The following SORD variants were observed in gnomAD, a reference collection of about 807,000 sequenced individuals.
SORD encodes (R,R)-butanediol dehydrogenase.
A neutral mutation model predicts 35.6 loss-of-function variants in SORD; 18 were observed. The observed-to-expected ratio is 0.51, with a 90% CI of 0.35 to 0.75. The LOEUF (loss-of-function observed/expected upper bound fraction) is 0.75. SORD is among the 30% of genes least tolerant of loss of function. The pLI is 0.01. For synonymous variants in SORD, 106 were observed against 152.9 expected (o/e 0.69, Z 2.26); for missense variants, 250 against 390.2 (o/e 0.64, Z 3.03).
intron 3 of SORD, among the ~76,000 whole-genome samples, chr15:45,059,725 T>C (rs57433302): frequency 0.013 from 1,962 of 152,292 alleles, 53 homozygotes; most frequent in African/African-American, 0.045. Flanking sequence ...TGGGTTCAAG[T>C]GATCCTCCTG....
rs190903312 is a variant in SORD at position 45,072,620 on chromosome 15, T to C, written c.908+182T>C. 9.1e-4 allele frequency among the ~76,000 whole-genome samples: 134 copies of C among 147,522 alleles called. 14 individuals are homozygous for C. The highest frequency in any genetic ancestry group is 3.4e-3 in the African/African-American group (127 of 37,750). Reference sequence around the variant, plus strand: ...AGAACACTCACTGCCAGTTAAAGAATGGGAGGAACAGAAGGATGGATGGAG... The same window carrying C: ...AGAACACTCACTGCCAGTTAAAGAACGGGAGGAACAGAAGGATGGATGGAG... On this transcript the variant is annotated intron_variant, in intron 8 of 8. Transcript: ENST00000267814.
chr15:45,056,900 A>G (rs934221562), intron 3 of SORD, among the ~76,000 whole-genome samples: 1 of 152,178 alleles, frequency 6.6e-6, no homozygotes, highest in African/African-American at 2.4e-5. Flanking sequence ...TAAGGTTTGG[A>G]GCACTTACAA....
Position 45,048,498 on chromosome 15 carries a change from TG to T in SORD, c.265+5082del, listed in dbSNP as rs1299172102. On this transcript the variant is annotated intron_variant, in intron 3 of 8. Coordinates refer to ENST00000267814, the MANE Select transcript of SORD (RefSeq NM_003104.6). ...CCAAGGCAGGAGGATTGCTTGAGCC[TG>T]GGGGTTTGAGACTAGCCTGGGGATT... 2.6e-5 allele frequency among the ~76,000 whole-genome samples: 4 copies of T among 152,226 alleles called. No individual in the cohort carries two copies. In the East Asian group the frequency reaches 5.8e-4, roughly 22 times the overall value.
chr15:45,049,392 G>C (rs1034046569), intron 3 of SORD, among the ~76,000 whole-genome samples: 3 of 152,094 alleles, frequency 2.0e-5, no homozygotes, highest in Non-Finnish European at 4.4e-5. Context: ...TCAGAAGAAA[G>C]GTGTGTCTAT....
chr15:45,058,345 C>T (rs1468895882), intron 3 of SORD, among the ~76,000 whole-genome samples: 1 of 152,116 alleles, frequency 6.6e-6, no homozygotes. Flanking sequence ...GCTGACATTC[C>T]CAGCACCCAA....
chr15:45,070,184 G>C (rs1893487729), intron 7 of SORD: 1 of 152,166 alleles, frequency 6.6e-6, no homozygotes, highest in South Asian at 2.1e-4. Context: ...TGCCTGAGTT[G>C]CCCCGCTGCT....
chr15:45,040,898 C>T (rs1447990072), intron 2 of SORD, among the ~76,000 whole-genome samples: 1 of 152,194 alleles, frequency 6.6e-6, no homozygotes, highest in Non-Finnish European at 1.5e-5. Context: ...TTTCCCCACT[C>T]CCCAGGAAGG....
At chr15:45,069,504 C>T (rs1229131067) in intron 7 of SORD, among the ~76,000 whole-genome samples, 2 of 152,136 alleles carry the variant, frequency 1.3e-5, no homozygotes, top group Non-Finnish European at 2.9e-5. Flanking sequence ...TCTCTGTTTT[C>T]TTATCTCTAG....
At chr15:45,054,863 T>C (rs980584361) in intron 3 of SORD, among the ~76,000 whole-genome samples, 14 of 150,574 alleles carry the variant, frequency 9.3e-5, no homozygotes, top group African/African-American at 2.7e-4. Flanking sequence ...TTTCTACATA[T>C]GGCTAGCCAG....
At chr15:45,031,168 A>G (rs1391691750) in intron 1 of SORD, among the ~76,000 whole-genome samples, 1 of 152,210 alleles carries the variant, frequency 6.6e-6, no homozygotes, top group Non-Finnish European at 1.5e-5. Flanking sequence ...AAATGTAAAA[A>G]GTAGCCGGGT....
rs1195193191 is a variant in SORD at position 45,075,287 on chromosome 15, TGAG to T, written c.*1758_*1760del. 1.5e-5 allele frequency: 2 copies of T among 131,008 alleles called. 1 individual carries two copies. Among genetic ancestry groups the T allele is most frequent in the African/African-American group, 8.6e-5 (2 of 23,378 alleles). The allele number at this position is 131,008 out of a possible 1,614,324, so 8.1% of individuals were successfully genotyped here. ...ACCCCCACCAAGCAGCTCCTACTGA[TGAG>T]AAGATGCACTAAGCAGTCTTGGTGG... is the stretch of plus-strand genomic sequence containing the variant. On this transcript the variant is annotated 3_prime_UTR_variant, in exon 9 of 9. Coordinates refer to ENST00000267814, the MANE Select transcript of SORD (RefSeq NM_003104.6).
At chr15:45,065,834 C>T (rs1334581198) in intron 5 of SORD, among the ~76,000 whole-genome samples, 3 of 152,016 alleles carry the variant, frequency 2.0e-5, no homozygotes, top group Non-Finnish European at 2.9e-5. Flanking sequence ...GTGGGAGGAT[C>T]ACTTGAGCCT....
intron 3 of SORD, among the ~76,000 whole-genome samples, chr15:45,048,645 A>C (rs1439794131): frequency 6.6e-6 from 1 of 152,206 alleles, no homozygotes; most frequent in Admixed American, 6.5e-5. Context: ...TAGGGTCAAC[A>C]TAGCAATCTC....
chr15:45,059,903 G>A (rs1302011956), intron 3 of SORD, among the ~76,000 whole-genome samples: 1 of 152,170 alleles, frequency 6.6e-6, no homozygotes, highest in East Asian at 1.9e-4. Context: ...TTTGTGATGT[G>A]CTAGAACAGG....
At position 45,074,625 on chromosome 15, in the gene SORD, G is replaced by T. The variant is rs959323201; in HGVS notation, c.*1095G>T. On this transcript the variant is annotated 3_prime_UTR_variant, in exon 9 of 9. Coordinates refer to ENST00000267814, the MANE Select transcript of SORD (RefSeq NM_003104.6). ...TTCTGGTAAGATTTAGACCTAAATCGCATCATGCCAACTTGTGACTTTGAG... is the reference window on the plus strand; with the variant it reads ...TTCTGGTAAGATTTAGACCTAAATCTCATCATGCCAACTTGTGACTTTGAG... 5 of 136,102 alleles carry T rather than the reference G, an allele frequency of 3.7e-5. No individual in the cohort carries two copies. Among genetic ancestry groups the T allele is most frequent in the South Asian group, 2.1e-4 (1 of 4,678 alleles). 8.4% of individuals were successfully genotyped at this position (136,102 alleles called of 1,614,324 possible). A position where few individuals can be genotyped will look rare whatever the true frequency, so the allele number is the denominator to read the frequency against.
chr15:45,024,952 G>A (rs887666422), intron 1 of SORD, among the ~76,000 whole-genome samples: 2 of 152,272 alleles, frequency 1.3e-5, no homozygotes, highest in African/African-American at 4.8e-5. Context: ...CACCTAAGGT[G>A]CAGAAACACA....
intron 3 of SORD, among the ~76,000 whole-genome samples, chr15:45,048,836 G>C (rs1267568235): frequency 6.6e-6 from 1 of 152,134 alleles, no homozygotes; most frequent in Non-Finnish European, 1.5e-5. Context: ...GAATACAAAG[G>C]TTTTTATAAG....
chr15:45,025,534 G>T (rs183684775), intron 1 of SORD, among the ~76,000 whole-genome samples: 29 of 151,446 alleles, frequency 1.9e-4, no homozygotes, highest in Admixed American at 1.8e-3. Flanking sequence ...TACTTGGGAA[G>T]CTGAGAATCG....
intron 1 of SORD, 113 bp from the exon 2 acceptor site, chr15:45,040,295 A>C: frequency 1.3e-6 from 1 of 763,598 alleles, no homozygotes; most frequent in Non-Finnish European, 2.2e-6. Context: ...GCTTGTGTTA[A>C]TTCTAAGAAG....
Sources: gnomAD v4.1 joint callset for allele counts (sites outside exome capture counted in the v4.1 genomes callset) on GRCh38, gnomAD v4.1.1 for gene constraint, MANE v1.5 for transcripts, NCBI Gene and HGNC (gene_info 2026-07-23, HGNC 2026-07-21) for gene names.